UNC79: variants seen among roughly 807,000 people sequenced by gnomAD.
The protein encoded by UNC79 is protein unc-79 homolog.
Under a neutral mutation model 283.1 loss-of-function variants are expected in UNC79, and 37 were observed. That is an observed-to-expected ratio of 0.13 (90% CI 0.10 to 0.17). UNC79 has a LOEUF of 0.17. UNC79 is among the 10% of genes least tolerant of loss of function. The pLI is 1.00. For synonymous variants in UNC79, 1,107 were observed against 1,200.2 expected (o/e 0.92, Z 1.61); for missense variants, 2,272 against 3,211.1 (o/e 0.71, Z 7.07).
chr14:93,477,497 G>T (rs2057870238), intron 3 of UNC79, 61 bp from the exon 4 acceptor site: 9 of 1,374,154 alleles, frequency 6.5e-6, no homozygotes, highest in Non-Finnish European at 8.8e-6. Flanking sequence ...AAAATGTAAA[G>T]TTAGCCTATT....
chr14:93,499,581 G>C (rs968853904), intron 7 of UNC79, among the ~76,000 whole-genome samples: 21 of 152,176 alleles, frequency 1.4e-4, no homozygotes, highest in African/African-American at 4.6e-4. Context: ...TCTACTATTA[G>C]GCAGGCATTA....
intron 5 of UNC79, among the ~76,000 whole-genome samples, chr14:93,488,540 T>G (rs763340289): frequency 1.3e-5 from 2 of 152,118 alleles, no homozygotes; most frequent in Non-Finnish European, 2.9e-5. Flanking sequence ...TAAATAGTAA[T>G]TGAACTTCTG....
intron 40 of UNC79, among the ~76,000 whole-genome samples, chr14:93,668,954 G>T (rs8017706): frequency 2.8e-5 from 4 of 144,964 alleles, no homozygotes; most frequent in African/African-American, 1.0e-4. Flanking sequence ...CTTTCAGCCT[G>T]GGCAACAGAG....
chr14:93,404,984 T>A (rs1294043656), intron 1 of UNC79, among the ~76,000 whole-genome samples: 2 of 152,068 alleles, frequency 1.3e-5, no homozygotes, highest in Non-Finnish European at 2.9e-5. Flanking sequence ...ATATTAATTT[T>A]AAAAATCCAC....
intron 14 of UNC79, among the ~76,000 whole-genome samples, chr14:93,570,197 C>T (rs537254865): frequency 6.6e-6 from 1 of 152,240 alleles, no homozygotes; most frequent in East Asian, 1.9e-4. Context: ...GATCTTTTTG[C>T]CTCAGCCTAG....
intron 24 of UNC79, 133 bp downstream of exon 24, chr14:93,597,673 A>G: frequency 9.6e-7 from 1 of 1,039,596 alleles, no homozygotes; most frequent in Non-Finnish European, 1.3e-6. Flanking sequence ...GTTTATAAAC[A>G]ACAGAAATTT....
intron 1 of UNC79, among the ~76,000 whole-genome samples, chr14:93,361,753 G>A (rs529973755): frequency 6.6e-6 from 1 of 152,164 alleles, no homozygotes; most frequent in South Asian, 2.1e-4. Context: ...GTGGGAGTGG[G>A]CATCCTTGTC....
chr14:93,702,655 C>G (rs1281259839), intron 47 of UNC79, among the ~76,000 whole-genome samples: 1 of 152,154 alleles, frequency 6.6e-6, no homozygotes, highest in Admixed American at 6.5e-5. Flanking sequence ...CATACTGTCC[C>G]CCATCCCAAA....
chr14:93,567,383 G>C (rs868596810), intron 14 of UNC79, among the ~76,000 whole-genome samples: 27 of 152,292 alleles, frequency 1.8e-4, no homozygotes, highest in African/African-American at 6.0e-4. Context: ...CCACCACCAT[G>C]CCTGGCCAAT....
chr14:93,401,227 AG>A (rs2055101923), intron 1 of UNC79, among the ~76,000 whole-genome samples: 1 of 152,210 alleles, frequency 6.6e-6, no homozygotes, highest in Admixed American at 6.5e-5. Context: ...AAATTTCCAA[AG>A]AGAGACAGAT....
chr14:93,455,487 G>A (rs1030836365), intron 1 of UNC79, among the ~76,000 whole-genome samples: 3 of 152,060 alleles, frequency 2.0e-5, no homozygotes, highest in Non-Finnish European at 4.4e-5. Flanking sequence ...ATCTGCATGC[G>A]TGCGTGTGTC....
chr14:93,621,962 G>A lies in UNC79; in HGVS notation c.4729G>A (p.Val1577Ile). 5.6e-6 allele frequency: 9 copies of A among 1,614,072 alleles called. No homozygotes were observed. The highest frequency in any genetic ancestry group is 7.6e-6 in the Non-Finnish European group (9 of 1,180,020). The change falls in exon 30 of 49, where the codon GTC becomes ATC. Residue 1577 changes from valine to isoleucine, a missense_variant. Around this residue, in one of 11 missense-constraint regions of UNC79, gnomAD observed 580 missense variants for 632.2 expected, o/e 0.92. Transcript: ENST00000555664. This position sits in a 1 kb window ranked among gnomAD's most constrained non-coding sequence, Gnocchi z 4.8. ...AGGGTTTCCAGATGCTCGAAGGCCTGTCATACCAGAGGTTAGGTTAAACTG... is the reference window on the plus strand; with the variant it reads ...AGGGTTTCCAGATGCTCGAAGGCCTATCATACCAGAGGTTAGGTTAAACTG...
intron 14 of UNC79, among the ~76,000 whole-genome samples, chr14:93,556,202 G>T (rs919778993): frequency 2.6e-5 from 4 of 152,074 alleles, no homozygotes; most frequent in African/African-American, 7.2e-5. Context: ...ACATCAACTA[G>T]TCTGCTCTGT....
chr14:93,453,295 G>A (rs1595505466), intron 1 of UNC79, among the ~76,000 whole-genome samples: 1 of 152,266 alleles, frequency 6.6e-6, no homozygotes, highest in East Asian at 1.9e-4. Flanking sequence ...ATTCAGATAT[G>A]TCTTGAGTAT....
intron 30 of UNC79, among the ~76,000 whole-genome samples, chr14:93,626,385 C>T (rs1176389852): frequency 2.0e-5 from 3 of 152,138 alleles, no homozygotes; most frequent in African/African-American, 4.8e-5. Flanking sequence ...CATGTGGACA[C>T]GATTCTATCT....
rs1397486343 is a variant in UNC79, at chr14:93,524,232, C to T, written c.963+190C>T. On this transcript the variant is annotated intron_variant, in intron 8 of 48. Transcript: ENST00000555664. ...AGAGAGCAATGAATAGCGTTGTCTG[C>T]AGTTTTGGCTATGCGTTCGTAGCCA... Among the ~76,000 whole-genome samples the T allele has an allele frequency of 3.9e-5, 6 of 152,182 alleles. 1 individual carries two copies. Among genetic ancestry groups the T allele is most frequent in the Admixed American group, 3.9e-4 (6 of 15,276 alleles).
intron 14 of UNC79, among the ~76,000 whole-genome samples, chr14:93,543,147 T>C (rs2061448767): frequency 6.6e-6 from 1 of 152,024 alleles, no homozygotes; most frequent in South Asian, 2.1e-4. Context: ...CTTAGAATCT[T>C]TGGAAAGATT....
chr14:93,566,369 C>G (rs1019321739), intron 14 of UNC79, among the ~76,000 whole-genome samples: 2 of 152,118 alleles, frequency 1.3e-5, no homozygotes, highest in Non-Finnish European at 1.5e-5. Flanking sequence ...CACTGGTTTT[C>G]TAAAAAGCAT....
rs139115189 is a variant in UNC79, at chr14:93,441,182, C to A, written c.22+10131C>A. The stretch of plus-strand genomic sequence containing the variant: ...TTGTAGCCTTAAACATTATAAAGGG[C>A]ACTTCTTTATCTATTTTAATGCTTT... On this transcript the variant is annotated intron_variant, in intron 1 of 48. Transcript: ENST00000555664. Among the ~76,000 whole-genome samples, 306 of 152,122 alleles carry A rather than the reference C, an allele frequency of 2.0e-3. 5 individuals carry two copies. The East Asian group carries it at 0.021, about 10-fold the overall frequency.
Sources: allele counts gnomAD v4.1 joint callset (sites outside exome capture counted in the v4.1 genomes callset), GRCh38; gene constraint gnomAD v4.1.1; regional missense constraint gnomAD v4.1.1; non-coding constraint Gnocchi (gnomAD v3.1); transcripts MANE v1.5; gene names NCBI Gene and HGNC (gene_info 2026-07-23, HGNC 2026-07-21).